Variants in GMNC observed in about 807,000 individuals in gnomAD.
The protein encoded by GMNC is geminin coiled-coil domain-containing protein 1.
Under a neutral mutation model 33.6 loss-of-function variants are expected in GMNC, and 16 were observed. The ratio of observed to expected loss-of-function variants is 0.48; its 90% CI spans 0.32 to 0.72. GMNC has a LOEUF of 0.72. GMNC is among the 30% of genes least tolerant of loss of function. The pLI, the probability that GMNC is intolerant of heterozygous loss-of-function variation, is 0.03. For synonymous variants in GMNC, 156 were observed against 147.3 expected (o/e 1.06, Z -0.43); for missense variants, 393 against 388.9 (o/e 1.01, Z -0.09).
rs375162038 is a variant in GMNC, at chr3:190,853,831, T to A, written c.*1464A>T. 1.3e-5 allele frequency: 2 copies of A among 152,122 alleles called. No homozygotes were observed. The highest frequency in any genetic ancestry group is 4.8e-5 in the African/African-American group (2 of 41,424). The allele number at this position is 152,122 out of a possible 1,614,324, so 9.4% of individuals were successfully genotyped here. A position where few individuals can be genotyped will look rare whatever the true frequency, so the allele number is the denominator to read the frequency against. On this transcript the variant is annotated 3_prime_UTR_variant, in exon 5 of 5. Transcript: ENST00000442080. ...AGAAAACTAGCACAAGCACTGAAAA[T>A]ATATTGTTTCAAATTTAGAAATATG...
chr3:190,855,714 TTAACC>T lies in GMNC; in HGVS notation c.581_585del (p.Gly194GlufsTer4). 1 of 1,551,566 alleles carries T rather than the reference TTAACC, an allele frequency of 6.4e-7. No individual in the cohort carries two copies. ...GTGTCATCGATAGTGTCAAGGTCTTTTAACCCAAGTGTTTGAAGGACCCAGGGATC... is the reference window on the plus strand; with the variant it reads ...GTGTCATCGATAGTGTCAAGGTCTTTCAAGTGTTTGAAGGACCCAGGGATC... On this transcript the variant is annotated frameshift_variant, in exon 5 of 5. Coordinates refer to ENST00000442080, the MANE Select transcript of GMNC (RefSeq NM_001146686.3). LOFTEE classifies it high-confidence loss of function.
rs1340615909 is a variant in GMNC, at chr3:190,852,875, T to C, written c.*2420A>G. On this transcript the variant is annotated 3_prime_UTR_variant, in exon 5 of 5. Coordinates refer to ENST00000442080, the MANE Select transcript of GMNC (RefSeq NM_001146686.3). ...GGTGAAGCCATACAAGTAAAACATA[T>C]ACTCAGGTGAAAGAAATGTTTAATT... 1 of 152,144 alleles carries C rather than the reference T, an allele frequency of 6.6e-6. No individual in the cohort carries two copies. Among genetic ancestry groups the C allele is most frequent in the Non-Finnish European group, 1.5e-5 (1 of 67,986 alleles). The allele number at this position is 152,144 out of a possible 1,614,324, so 9.4% of individuals were successfully genotyped here.
Position 190,862,232 on chromosome 3 carries a change from A to C in GMNC, c.3+381T>G, listed in dbSNP as rs1737885352. ...TACCTGAGAAGAAAACAAACTTCAA[A>C]TATCCCTAGACAAGTTCATGTCCAA... On this transcript the variant is annotated intron_variant, in intron 1 of 4. Coordinates refer to ENST00000442080, the MANE Select transcript of GMNC (RefSeq NM_001146686.3). The surrounding 1 kb of genome is among the most constrained non-coding windows in gnomAD (Gnocchi z 4.5). Among the ~76,000 whole-genome samples, 1 of 152,186 alleles carries C rather than the reference A, an allele frequency of 6.6e-6. No homozygotes were observed. The highest frequency in any genetic ancestry group is 2.4e-5 in the African/African-American group (1 of 41,436).
rs1553787646 is a variant in GMNC at position 190,862,362 on chromosome 3, A to AGACAGAGAGAGAGAGGGCGAGAGAGAG, written c.3+250_3+251insCTCTCTCTCGCCCTCTCTCTCTCTGTC. On this transcript the variant is annotated intron_variant, in intron 1 of 4. Transcript: ENST00000442080. This position sits in a 1 kb window ranked among gnomAD's most constrained non-coding sequence, Gnocchi z 4.5. ...AAGTAAGGAAAGTAGTAATAACAGAAAGAGAGAGAGAGGGCGAGAGAGAGA... is the reference window on the plus strand; with the variant it reads ...AAGTAAGGAAAGTAGTAATAACAGAAGACAGAGAGAGAGAGGGCGAGAGAGAGAGAGAGAGAGAGGGCGAGAGAGAGA... Among the ~76,000 whole-genome samples the AGACAGAGAGAGAGAGGGCGAGAGAGAG allele has an allele frequency of 1.4e-5, 2 of 147,548 alleles. No homozygotes were observed. Among genetic ancestry groups the AGACAGAGAGAGAGAGGGCGAGAGAGAG allele is most frequent in the South Asian group, 2.2e-4 (1 of 4,494 alleles).
chr3:190,846,938 A>G, the GMNC span, among the ~76,000 whole-genome samples: 1 of 151,314 alleles, frequency 6.6e-6, no homozygotes, highest in Non-Finnish European at 1.5e-5. Context: ...TGGACTGATA[A>G]TATTATAACT....
chr3:190,853,244 A>G lies in GMNC; in HGVS notation c.*2051T>C, dbSNP rs1737664887. 2 of 152,106 alleles carry G rather than the reference A, an allele frequency of 1.3e-5. No individual in the cohort carries two copies. Among genetic ancestry groups the G allele is most frequent in the African/African-American group, 4.8e-5 (2 of 41,402 alleles). The allele number at this position is 152,106 out of a possible 1,614,324, so 9.4% of individuals were successfully genotyped here. A position where few individuals can be genotyped will look rare whatever the true frequency, so the allele number is the denominator to read the frequency against. On this transcript the variant is annotated 3_prime_UTR_variant, in exon 5 of 5. Coordinates refer to ENST00000442080, the MANE Select transcript of GMNC (RefSeq NM_001146686.3). ...CTCATACATTTCCTTTTACAGCTTG[A>G]TTATTAGACTTTCAAAATTAGTTAT... is the stretch of plus-strand genomic sequence containing the variant.
chr3:190,860,956 C>A, intron 1 of GMNC, 98 bp from the exon 2 acceptor site: 1 of 770,198 alleles, frequency 1.3e-6, no homozygotes, highest in Non-Finnish European at 2.0e-6. Context: ...AAATTACATG[C>A]AGTGAAATAT....
downstream of GMNC, among the ~76,000 whole-genome samples, chr3:190,848,793 T>C (rs555960010): frequency 7.2e-4 from 109 of 152,348 alleles, 1 homozygote; most frequent in South Asian, 0.023. Context: ...TAGATGTGGA[T>C]ACACTGAGAC....
At chr3:190,845,967 C>T in the GMNC span, among the ~76,000 whole-genome samples, 1 of 152,176 alleles carries the variant, frequency 6.6e-6, no homozygotes, top group South Asian at 2.1e-4. Flanking sequence ...GTGGCTCATG[C>T]CTGTAATCCC....
chr3:190,856,396 T>A (rs1010634329), intron 4 of GMNC, among the ~76,000 whole-genome samples: 3 of 137,676 alleles, frequency 2.2e-5, no homozygotes, highest in South Asian at 4.4e-4. Flanking sequence ...TATAAATATT[T>A]ATATATTTAT....
intron 4 of GMNC, among the ~76,000 whole-genome samples, chr3:190,856,906 T>C (rs1560037017): frequency 6.6e-6 from 1 of 151,686 alleles, no homozygotes; most frequent in African/African-American, 2.4e-5. Flanking sequence ...CCCAGGAAAA[T>C]AGCCTGGCCT....
rs1359262976 is a variant in GMNC at position 190,855,586 on chromosome 3, T to C, written c.714A>G (p.Arg238=). 6.4e-7 allele frequency: 1 copy of C among 1,551,198 alleles called. No individual in the cohort carries two copies. The highest frequency in any genetic ancestry group is 8.7e-7 in the Non-Finnish European group (1 of 1,146,692). The change falls in exon 5 of 5, where the codon AGA becomes AGG. Residue 238 remains arginine (R), a synonymous_variant. Transcript: ENST00000442080. ...CTCTATAGTCAATTGGCATATCCTC[T>C]CTGGGGATATTTTTATAATCAACTG... ...DDAVDYKNIP[R]EDMPIDYRGD...
intron 2 of GMNC, chr3:190,859,780 C>A (rs1215303354): frequency 2.2e-6 from 1 of 449,474 alleles, no homozygotes; most frequent in East Asian, 7.0e-5. Flanking sequence ...TCATCTAGTA[C>A]AGTTTAGACT....
At chr3:190,852,420 C>G (rs987881548), downstream of GMNC, among the ~76,000 whole-genome samples, 7 of 152,058 alleles carry the variant, frequency 4.6e-5, no homozygotes, top group Non-Finnish European at 1.0e-4. Flanking sequence ...ACCTTCATAG[C>G]TGAAGCTTAG....
intron 2 of GMNC, among the ~76,000 whole-genome samples, chr3:190,859,524 T>C (rs1423604096): frequency 6.6e-6 from 1 of 152,206 alleles, no homozygotes; most frequent in Admixed American, 6.6e-5. Context: ...ACGGACTGTA[T>C]TTATTTGGAA....
chr3:190,850,477 G>T (rs1335293975), downstream of GMNC, among the ~76,000 whole-genome samples: 1 of 152,206 alleles, frequency 6.6e-6, no homozygotes, highest in East Asian at 1.9e-4. Flanking sequence ...CTGTGCACTG[G>T]GAAGATGGGG....
chr3:190,860,030 T>G (rs918111513), intron 2 of GMNC, among the ~76,000 whole-genome samples: 5 of 152,240 alleles, frequency 3.3e-5, no homozygotes, highest in African/African-American at 1.2e-4. Flanking sequence ...AAACAAATCA[T>G]GTAGCAGAAC....
intron 1 of GMNC, 65 bp from the exon 2 acceptor site, chr3:190,860,923 G>C (rs4264774): frequency 0.027 from 30,939 of 1,140,566 alleles, 2,127 homozygotes; most frequent in East Asian, 0.24. Flanking sequence ...ATTTAGAAGG[G>C]GGAAAGGGTG....
intron 1 of GMNC, 130 bp from the exon 2 acceptor site, chr3:190,860,988 G>A: frequency 1.6e-6 from 1 of 640,810 alleles, no homozygotes; most frequent in Non-Finnish European, 2.6e-6. Flanking sequence ...ATCAGAAAAG[G>A]TGTTAAGTAT....
Sources: gnomAD v4.1 joint callset for allele counts (sites outside exome capture counted in the v4.1 genomes callset) on GRCh38, gnomAD v4.1.1 for gene constraint, Gnocchi (gnomAD v3.1) non-coding constraint, MANE v1.5 for transcripts, NCBI Gene and HGNC (gene_info 2026-07-23, HGNC 2026-07-21) for gene names.